Variants in PCOLCE2 observed in about 807,000 individuals in gnomAD.
The protein encoded by PCOLCE2 is procollagen C-proteinase enhancer 2.
Under a neutral mutation model 47.0 loss-of-function variants are expected in PCOLCE2, and 42 were observed. The ratio of observed to expected loss-of-function variants is 0.89; its 90% CI spans 0.70 to 1.16. The LOEUF (loss-of-function observed/expected upper bound fraction) is 1.16. Ranked by LOEUF, PCOLCE2 falls within the 50% of genes most tolerant of loss-of-function variation. PCOLCE2 has a pLI of 0.00. For missense variants in PCOLCE2, 500 were observed against 526.1 expected, an observed-to-expected ratio of 0.95 and a Z score of 0.49; for synonymous variants, 169 against 191.7, an observed-to-expected ratio of 0.88 and a Z score of 0.98.
intron 2 of PCOLCE2, among the ~76,000 whole-genome samples, chr3:142,856,490 A>G (rs565894257): frequency 6.6e-6 from 1 of 152,316 alleles, no homozygotes; most frequent in South Asian, 2.1e-4. Context: ...CCTAAGCATG[A>G]AGATGTTCGA....
chr3:142,883,974 C>T (rs1417169567), intron 2 of PCOLCE2, among the ~76,000 whole-genome samples: 2 of 152,160 alleles, frequency 1.3e-5, no homozygotes, highest in East Asian at 3.9e-4. Flanking sequence ...AGGTAGCTCC[C>T]CATGTGTTTA....
Position 142,838,898 on chromosome 3 carries a change from T to G in PCOLCE2, c.582A>C (p.Glu194Asp), listed in dbSNP as rs1225737050. The G allele has an allele frequency of 1.2e-6, 2 of 1,611,032 alleles. No homozygotes were observed. Among genetic ancestry groups the G allele is most frequent in the Non-Finnish European group, 1.7e-6 (2 of 1,177,342 alleles). Residue 194 changes from glutamate (E) to aspartate (D), a missense_variant, in exon 5 of 9, where the codon GAA (glutamate) becomes GAC (aspartate). By Grantham distance (45) the Glu-to-Asp change is conservative. Coordinates refer to ENST00000295992, the MANE Select transcript of PCOLCE2 (RefSeq NM_013363.4). The part of the protein sequence containing the change: ...HIVAPKNQLI[E>D]LKFEKFDVER... Reference sequence around the variant, plus strand: ...CCACATCAAACTTCTCAAACTTTAATTCTATAAGCTTTAGAGAAAGCACAA... The same window carrying G: ...CCACATCAAACTTCTCAAACTTTAAGTCTATAAGCTTTAGAGAAAGCACAA...
At chr3:142,835,275 G>A (rs942932586) in intron 5 of PCOLCE2, among the ~76,000 whole-genome samples, 1 of 152,076 alleles carries the variant, frequency 6.6e-6, no homozygotes, top group African/African-American at 2.4e-5. Flanking sequence ...AAGTTTACAA[G>A]TTTAAAATTT....
chr3:142,882,026 T>C (rs1461551270), intron 2 of PCOLCE2, among the ~76,000 whole-genome samples: 5 of 152,078 alleles, frequency 3.3e-5, no homozygotes, highest in African/African-American at 1.2e-4. Context: ...ATCATCATCA[T>C]CGTCGTCATC....
chr3:142,862,224 C>T (rs1424632122), intron 2 of PCOLCE2, among the ~76,000 whole-genome samples: 1 of 152,186 alleles, frequency 6.6e-6, no homozygotes, highest in African/African-American at 2.4e-5. Context: ...TCAAACAGAA[C>T]TCCAACTTCT....
chr3:142,877,579 A>G (rs1933524972), intron 2 of PCOLCE2, among the ~76,000 whole-genome samples: 1 of 152,228 alleles, frequency 6.6e-6, no homozygotes, highest in Non-Finnish European at 1.5e-5. Context: ...CAGTCTTCAG[A>G]TTAACCTTAC....
intron 2 of PCOLCE2, among the ~76,000 whole-genome samples, chr3:142,871,525 T>C (rs768380849): frequency 1.9e-4 from 29 of 152,370 alleles, no homozygotes; most frequent in Admixed American, 9.1e-4. Flanking sequence ...GAAGGTGTTT[T>C]GTAGATGTGG....
intron 2 of PCOLCE2, among the ~76,000 whole-genome samples, chr3:142,879,314 A>C (rs1169119655): frequency 2.0e-5 from 3 of 152,182 alleles, no homozygotes; most frequent in African/African-American, 7.2e-5. Context: ...CTACTCATTA[A>C]ACCTCTTCTA....
At chr3:142,863,060 C>A (rs146134414) in intron 2 of PCOLCE2, among the ~76,000 whole-genome samples, 1 of 139,278 alleles carries the variant, frequency 7.2e-6, no homozygotes. Flanking sequence ...CCTTCTCCTA[C>A]GCTGGATGCC....
intron 6 of PCOLCE2, chr3:142,827,151 G>A (rs1293572715): frequency 2.8e-6 from 4 of 1,444,106 alleles, no homozygotes. Context: ...AGTCTGGCGG[G>A]CAGCAATGAG....
chr3:142,860,295 CT>C (rs1310073857), intron 2 of PCOLCE2, among the ~76,000 whole-genome samples: 2 of 152,142 alleles, frequency 1.3e-5, no homozygotes, highest in Non-Finnish European at 2.9e-5. Flanking sequence ...GTTATTCCCC[CT>C]ATTCCTCTGT....
chr3:142,887,625 C>T (rs200038456), intron 2 of PCOLCE2, 44 bp downstream of exon 2: 94 of 992,382 alleles, frequency 9.5e-5, no homozygotes, highest in Non-Finnish European at 1.3e-5. Context: ...CACACTGTTG[C>T]CAACACCCAC....
chr3:142,820,608 A>G (rs1937001853), intron 8 of PCOLCE2, among the ~76,000 whole-genome samples: 2 of 152,248 alleles, frequency 1.3e-5, no homozygotes, highest in South Asian at 4.2e-4. Context: ...GCAATAGTCT[A>G]AAATCTCTCC....
intron 2 of PCOLCE2, among the ~76,000 whole-genome samples, chr3:142,865,735 G>T (rs571391098): frequency 6.6e-6 from 1 of 152,146 alleles, no homozygotes; most frequent in African/African-American, 2.4e-5. Context: ...TATGTAGTCA[G>T]CAGGCTCATT....
chr3:142,827,570 C>T (rs113854944), intron 6 of PCOLCE2: 9 of 1,472,020 alleles, frequency 6.1e-6, no homozygotes, highest in Admixed American at 3.4e-5. Context: ...AGGGAGCACA[C>T]TGCCAATGTT....
intron 2 of PCOLCE2, among the ~76,000 whole-genome samples, chr3:142,850,195 C>G (rs1224985887): frequency 6.6e-6 from 1 of 152,132 alleles, no homozygotes. Context: ...CACACAACCT[C>G]TATTTGTACA....
chr3:142,827,796 C>T, intron 6 of PCOLCE2: 1 of 590,892 alleles, frequency 1.7e-6, no homozygotes, highest in Non-Finnish European at 3.0e-6. Context: ...CTACGCATGG[C>T]ATATCCACTG....
At position 142,843,037 on chromosome 3, in the gene PCOLCE2, A is replaced by G. The variant is rs1402566204; in HGVS notation, c.460T>C (p.Cys154Arg). 1 of 1,613,658 alleles carries G rather than the reference A, an allele frequency of 6.2e-7. No individual in the cohort carries two copies. The highest frequency in any genetic ancestry group is 1.3e-5 in the African/African-American group (1 of 74,896). ...GAAGGTCTGTCAAGGAGTCCTCCAC[A>G]ATACTGATCCCCTTCAAGTATTAAA... ...AEPNERGDQY[C>R]GGLLDRPSGS... Residue 154 changes from cysteine to arginine, a missense_variant, in exon 4 of 9, where the codon TGT (cysteine) becomes CGT (arginine). Transcript: ENST00000295992.
At chr3:142,859,714 C>T (rs11918658) in intron 2 of PCOLCE2, among the ~76,000 whole-genome samples, 6,861 of 151,912 alleles carry the variant, frequency 0.045, 184 homozygotes, top group South Asian at 0.1. Flanking sequence ...TACAGGCACA[C>T]GCCACCACAC....
Sources: gnomAD v4.1 joint callset for allele counts (sites outside exome capture counted in the v4.1 genomes callset) on GRCh38, gnomAD v4.1.1 for gene constraint, MANE v1.5 for transcripts, NCBI Gene and HGNC (gene_info 2026-07-23, HGNC 2026-07-21) for gene names.